Variants in PDGFC observed in about 807,000 individuals in gnomAD.
The protein encoded by PDGFC is platelet derived growth factor C.
In PDGFC, 12 loss-of-function variants were observed where a neutral mutation model predicts 35.5. The observed-to-expected ratio is 0.34, with a 90% CI of 0.22 to 0.55. PDGFC has a LOEUF of 0.55. PDGFC is among the 20% of genes least tolerant of loss of function. PDGFC has a pLI of 0.91. For missense variants in PDGFC, 322 were observed against 412.4 expected (o/e 0.78, Z 1.90); for synonymous variants, 159 against 148.8 (o/e 1.07, Z -0.50).
intron 1 of PDGFC, among the ~76,000 whole-genome samples, chr4:156,853,334 ATTAG>A (rs930093669): frequency 2.0e-5 from 3 of 152,184 alleles, no homozygotes; most frequent in African/African-American, 7.2e-5. Flanking sequence ...AGGGTTGTAT[ATTAG>A]TTAGACTATG....
In PDGFC at chr4:156,945,807, C is replaced by G. The variant is rs142387215; in HGVS notation, c.118+24979G>C. Among the ~76,000 whole-genome samples the G allele has an allele frequency of 4.9e-4, 75 of 152,036 alleles. 2 individuals are homozygous for G. In the East Asian group the frequency reaches 0.012, roughly 25 times the overall value. ...TCTCTGAAAAACATCCAACATTGTA[C>G]CACTCTCTCCCTCTATTATAATATT... On this transcript the variant is annotated intron_variant, in intron 1 of 5. Coordinates refer to ENST00000502773, the MANE Select transcript of PDGFC (RefSeq NM_016205.3).
At chr4:156,844,958 A>T (rs1302043237) in intron 2 of PDGFC, among the ~76,000 whole-genome samples, 5 of 151,992 alleles carry the variant, frequency 3.3e-5, no homozygotes, top group African/African-American at 1.2e-4. Context: ...ACATAAATAC[A>T]CTACTGCAAA....
At chr4:156,827,727 A>G (rs1039641935) in intron 2 of PDGFC, among the ~76,000 whole-genome samples, 1 of 152,186 alleles carries the variant, frequency 6.6e-6, no homozygotes, top group Non-Finnish European at 1.5e-5. Flanking sequence ...ACATACGTAC[A>G]TACATACACA....
intron 1 of PDGFC, among the ~76,000 whole-genome samples, chr4:156,889,545 A>G (rs1730454109): frequency 6.6e-6 from 1 of 152,168 alleles, no homozygotes; most frequent in Non-Finnish European, 1.5e-5. Flanking sequence ...GCGTTTCTTA[A>G]CATTCTTCAT....
At chr4:156,929,319 T>G (rs80180840) in intron 1 of PDGFC, among the ~76,000 whole-genome samples, 1,780 of 152,036 alleles carry the variant, frequency 0.012, 41 homozygotes, top group African/African-American at 0.04. Context: ...ACCTTAGAAA[T>G]TACAGAACAA....
intron 2 of PDGFC, among the ~76,000 whole-genome samples, chr4:156,820,242 G>A (rs1257932183): frequency 6.6e-6 from 1 of 152,204 alleles, no homozygotes; most frequent in Non-Finnish European, 1.5e-5. Flanking sequence ...CAGGGTCTGA[G>A]AGAACTGACC....
chr4:156,789,747 C>T (rs1162489890), intron 3 of PDGFC, among the ~76,000 whole-genome samples: 2 of 152,110 alleles, frequency 1.3e-5, no homozygotes, highest in Non-Finnish European at 2.9e-5. Context: ...GAGGCCGAGG[C>T]AGGCGGATCA....
At position 156,887,215 on chromosome 4, in the gene PDGFC, T is replaced by A. The variant is rs541521736; in HGVS notation, c.119-36799A>T. On this transcript the variant is annotated intron_variant, in intron 1 of 5. Coordinates refer to ENST00000502773, the MANE Select transcript of PDGFC (RefSeq NM_016205.3). ...TCATAGCATCACAGCTTACTATAGG[T>A]CTAAAAACCTGATTTACATTAACAA... Among the ~76,000 whole-genome samples the A allele has an allele frequency of 2.6e-5, 4 of 152,282 alleles. No homozygotes were observed. The South Asian group carries it at 8.3e-4, about 32-fold the overall frequency.
intron 2 of PDGFC, among the ~76,000 whole-genome samples, chr4:156,825,593 T>TAATAATAATAAGAAGAAGAAG (rs1267062505): frequency 8.0e-5 from 5 of 62,190 alleles, no homozygotes; most frequent in African/African-American, 1.6e-4. Context: ...ATAATAATAA[T>TAATAATAATAAGAAGAAGAAG]AAGAAGAAGA....
chr4:156,761,851 C>A lies in PDGFC; in HGVS notation c.*1239G>T, dbSNP rs1262793741. The A allele has an allele frequency of 1.3e-5, 2 of 152,594 alleles. No individual in the cohort carries two copies. The highest frequency in any genetic ancestry group is 2.9e-5 in the Non-Finnish European group (2 of 68,040). The allele number at this position is 152,594 out of a possible 1,614,324, so 9.5% of individuals were successfully genotyped here. A position where few individuals can be genotyped will look rare whatever the true frequency, so the allele number is the denominator to read the frequency against. On this transcript the variant is annotated 3_prime_UTR_variant, in exon 6 of 6. Transcript: ENST00000502773. ...AACAGAGTTTAAGATAATAAAACCA[C>A]AACATCACAATAAATAGGATGTGTT...
chr4:156,907,266 T>C (rs555367770), intron 1 of PDGFC, among the ~76,000 whole-genome samples: 6 of 152,338 alleles, frequency 3.9e-5, no homozygotes, highest in African/African-American at 1.2e-4. Context: ...TTTTTATACA[T>C]GTTGATTTTT....
intron 3 of PDGFC, among the ~76,000 whole-genome samples, chr4:156,796,611 T>C (rs1321522919): frequency 6.6e-6 from 1 of 151,736 alleles, no homozygotes; most frequent in East Asian, 1.9e-4. Flanking sequence ...GTAGTTGAAA[T>C]TATGGATTTC....
chr4:156,945,459 G>T (rs1364081174), intron 1 of PDGFC, among the ~76,000 whole-genome samples: 1 of 143,054 alleles, frequency 7.0e-6, no homozygotes, highest in East Asian at 2.1e-4. Flanking sequence ...AAAAACCAAA[G>T]ATTTATAAGA....
intron 2 of PDGFC, among the ~76,000 whole-genome samples, chr4:156,826,637 G>A (rs1256447645): frequency 1.3e-5 from 2 of 152,140 alleles, no homozygotes; most frequent in Non-Finnish European, 2.9e-5. Context: ...TATCTGCTCT[G>A]TATTATTGCT....
chr4:156,959,412 G>A (rs1051196930), intron 1 of PDGFC, among the ~76,000 whole-genome samples: 21 of 151,886 alleles, frequency 1.4e-4, no homozygotes, highest in African/African-American at 5.1e-4. Flanking sequence ...TGGCCCTGTA[G>A]CTTTTTATGG....
At chr4:156,876,851 TTCG>T (rs1730127325) in intron 1 of PDGFC, 1 of 152,138 alleles carries the variant, frequency 6.6e-6, no homozygotes, top group African/African-American at 2.4e-5. Flanking sequence ...ATTATTTTTA[TTCG>T]TTAAGACACC....
At chr4:156,789,548 A>G (rs10018717) in intron 3 of PDGFC, among the ~76,000 whole-genome samples, 73,269 of 152,116 alleles carry the variant, frequency 0.48, 20,721 homozygotes, top group African/African-American at 0.79. Flanking sequence ...ACACACACCA[A>G]CTAGCACTCA....
chr4:156,826,271 C>A (rs1448613080), intron 2 of PDGFC, among the ~76,000 whole-genome samples: 1 of 138,308 alleles, frequency 7.2e-6, no homozygotes, highest in Non-Finnish European at 1.5e-5. Context: ...CGGCTCACTG[C>A]AACCTCTGCC....
chr4:156,965,898 G>A (rs1732454336), intron 1 of PDGFC, among the ~76,000 whole-genome samples: 1 of 152,096 alleles, frequency 6.6e-6, no homozygotes, highest in South Asian at 2.1e-4. Flanking sequence ...AGTACGGCAG[G>A]AACACTGATC....
Sources: allele counts gnomAD v4.1 joint callset (sites outside exome capture counted in the v4.1 genomes callset), GRCh38; gene constraint gnomAD v4.1.1; transcripts MANE v1.5; gene names NCBI Gene and HGNC (gene_info 2026-07-23, HGNC 2026-07-21).